Variants in COL4A2 observed in about 807,000 individuals in gnomAD.
COL4A2 encodes the protein collagen alpha-2(IV) chain.
In COL4A2, 99 loss-of-function variants were observed where a neutral mutation model predicts 200.2. That is an observed-to-expected ratio of 0.49 (90% CI 0.42 to 0.58). The LOEUF (loss-of-function observed/expected upper bound fraction) is 0.58. Ranked by LOEUF, COL4A2 falls within the 20% of genes least tolerant of loss-of-function variation. The pLI is 0.00. For missense variants in COL4A2, 1,950 were observed against 2,314.1 expected (o/e 0.84, Z 3.23); for synonymous variants, 897 against 900.6 (o/e 1.00, Z 0.07).
chr13:110,431,554 A>T (rs1201147869), intron 10 of COL4A2, among the ~76,000 whole-genome samples: 1 of 152,230 alleles, frequency 6.6e-6, no homozygotes, highest in Non-Finnish European at 1.5e-5. Flanking sequence ...AATCAGGGTC[A>T]TACGAGGCGC....
chr13:110,375,174 C>T (rs1179917089), intron 4 of COL4A2, among the ~76,000 whole-genome samples: 1 of 152,212 alleles, frequency 6.6e-6, no homozygotes, highest in Non-Finnish European at 1.5e-5. Context: ...AGCATCTTGA[C>T]TTTGGCATCA....
At position 110,332,173 on chromosome 13, in the gene COL4A2, G is replaced by T. The variant is rs190345943; in HGVS notation, c.99+24050G>T. On this transcript the variant is annotated intron_variant, in intron 3 of 47. Transcript: ENST00000360467. The stretch of plus-strand genomic sequence containing the variant: ...TTTTTCAACCTTATTATACTGTCTA[G>T]AATATATTAGCAATGTTAAGTCAAG... 3.3e-5 allele frequency among the ~76,000 whole-genome samples: 5 copies of T among 152,044 alleles called. No homozygotes were observed. In the South Asian group the frequency reaches 1.0e-3, roughly 32 times the overall value.
intron 4 of COL4A2, among the ~76,000 whole-genome samples, chr13:110,360,925 T>A (rs1877487678): frequency 6.6e-6 from 1 of 152,200 alleles, no homozygotes; most frequent in South Asian, 2.1e-4. Flanking sequence ...CCGAGGCCCG[T>A]GCTGCCAAGG....
chr13:110,446,291 G>C (rs1881320168), intron 17 of COL4A2, among the ~76,000 whole-genome samples: 1 of 152,156 alleles, frequency 6.6e-6, no homozygotes, highest in African/African-American at 2.4e-5. Context: ...TAGCTGAGAG[G>C]GGAACGCACC....
At chr13:110,434,798 C>T (rs978474257) in intron 12 of COL4A2, among the ~76,000 whole-genome samples, 7 of 152,228 alleles carry the variant, frequency 4.6e-5, no homozygotes, top group African/African-American at 1.7e-4. Context: ...CAGCCAGAGG[C>T]TGACATGGAG....
At position 110,316,960 on chromosome 13, in the gene COL4A2, G is replaced by A. The variant is rs534896004; in HGVS notation, c.99+8837G>A. 9.5e-4 allele frequency among the ~76,000 whole-genome samples: 144 copies of A among 152,142 alleles called. 1 individual carries two copies. Among genetic ancestry groups the A allele is most frequent in the African/African-American group, 3.3e-3 (138 of 41,522 alleles). On this transcript the variant is annotated intron_variant, in intron 3 of 47. Transcript: ENST00000360467. ...GGAATATACAGACATAGATGATAGA[G>A]ATAAAAGAGAGAGAGAACACACACA...
chr13:110,472,291 A>G (rs1184197840), intron 28 of COL4A2, among the ~76,000 whole-genome samples: 1 of 151,574 alleles, frequency 6.6e-6, no homozygotes, highest in African/African-American at 2.4e-5. Context: ...AATTTTTTGT[A>G]TTTTTAGTAG....
At chr13:110,310,008 C>T (rs540286406) in intron 3 of COL4A2, among the ~76,000 whole-genome samples, 9 of 151,904 alleles carry the variant, frequency 5.9e-5, no homozygotes, top group African/African-American at 1.9e-4. Flanking sequence ...AACAAACAAA[C>T]AAAAAAAACC....
At chr13:110,446,433 G>T (rs1246148872) in intron 17 of COL4A2, among the ~76,000 whole-genome samples, 1 of 152,178 alleles carries the variant, frequency 6.6e-6, no homozygotes, top group Non-Finnish European at 1.5e-5. Context: ...CGCTCCACGG[G>T]GGTCCTGCGG....
intron 42 of COL4A2, 45 bp downstream of exon 42, chr13:110,503,327 A>T (rs376861641): frequency 3.8e-6 from 6 of 1,588,774 alleles, no homozygotes; most frequent in Non-Finnish European, 5.1e-6. Context: ...GGCCACAGTG[A>T]GAGGAGCCCC....
chr13:110,360,344 A>G (rs1305369643), intron 4 of COL4A2, among the ~76,000 whole-genome samples: 2 of 152,240 alleles, frequency 1.3e-5, no homozygotes, highest in Non-Finnish European at 2.9e-5. Context: ...CAGAATCAAC[A>G]TAGTAACATT....
chr13:110,442,125 C>T lies in COL4A2; in HGVS notation c.957+2292C>T, dbSNP rs565066568. Reference sequence around the variant, plus strand: ...AAAAAAAAAAAAAAAAGGGCAGTTCCACAGAGCTGCTCCCTGGAACTCCAA... The same window carrying T: ...AAAAAAAAAAAAAAAAGGGCAGTTCTACAGAGCTGCTCCCTGGAACTCCAA... On this transcript the variant is annotated intron_variant, in intron 16 of 47. Transcript: ENST00000360467. Among the ~76,000 whole-genome samples, 97 of 147,674 alleles carry T rather than the reference C, an allele frequency of 6.6e-4. 1 individual carries two copies. The South Asian group carries it at 0.016, about 24-fold the overall frequency.
intron 18 of COL4A2, among the ~76,000 whole-genome samples, chr13:110,447,523 A>G (rs1013918466): frequency 6.6e-6 from 1 of 152,186 alleles, no homozygotes; most frequent in African/African-American, 2.4e-5. Context: ...CAACTAGAGC[A>G]CTTGGCTCTG....
At chr13:110,370,498 G>T (rs140264443) in intron 4 of COL4A2, among the ~76,000 whole-genome samples, 10 of 152,096 alleles carry the variant, frequency 6.6e-5, no homozygotes, top group Non-Finnish European at 1.0e-4. Flanking sequence ...CTCGTGGTCC[G>T]CCCACCTTGG....
At position 110,445,206 on chromosome 13, in the gene COL4A2, A is replaced by G. The variant is rs189878180; in HGVS notation, c.958-623A>G. 2.1e-3 allele frequency among the ~76,000 whole-genome samples: 323 copies of G among 152,284 alleles called. 1 individual carries two copies. The highest frequency in any genetic ancestry group is 6.8e-3 in the African/African-American group (281 of 41,556). On this transcript the variant is annotated intron_variant, in intron 16 of 47. Transcript: ENST00000360467. ...TAACTTAAGAAACCTTAATGCGTCT[A>G]TTTTGGTACTAAATGAAGATTTTCA...
chr13:110,339,390 C>G (rs1046806894), intron 3 of COL4A2, among the ~76,000 whole-genome samples: 4 of 152,162 alleles, frequency 2.6e-5, no homozygotes, highest in African/African-American at 9.7e-5. Flanking sequence ...TCCCTAAAAT[C>G]TCTGTAGCAC....
At chr13:110,501,552 C>A in intron 40 of COL4A2, 116 bp from the exon 41 acceptor site, 1 of 918,800 alleles carries the variant, frequency 1.1e-6, no homozygotes. Flanking sequence ...CACCTCCCAT[C>A]ACTGTCTCGC....
In COL4A2 at chr13:110,438,761, A is replaced by G. The variant is rs894827045; in HGVS notation, c.912+93A>G. ...TAGAGCTGTTTCAGATTCACAGCAA[A>G]ATTTAGCAGAAAGTATAGAGATTTC... On this transcript the variant is annotated intron_variant, in intron 15 of 47. Coordinates refer to ENST00000360467, the MANE Select transcript of COL4A2 (RefSeq NM_001846.4). 35 of 1,512,724 alleles carry G rather than the reference A, an allele frequency of 2.3e-5. No homozygotes were observed. In the African/African-American group the frequency reaches 4.3e-4, roughly 19 times the overall value. 93.7% of individuals were successfully genotyped at this position (1,512,724 alleles called of 1,614,324 possible).
At chr13:110,458,690 C>T in intron 21 of COL4A2, 81 bp from the exon 22 acceptor site, 1 of 1,568,792 alleles carries the variant, frequency 6.4e-7, no homozygotes, top group South Asian at 1.2e-5. Context: ...CCACCCAGCT[C>T]TCCCCGCTGC....
Sources: allele counts gnomAD v4.1 joint callset (sites outside exome capture counted in the v4.1 genomes callset), GRCh38; gene constraint gnomAD v4.1.1; transcripts MANE v1.5; gene names NCBI Gene and HGNC (gene_info 2026-07-23, HGNC 2026-07-21).